The following ABCC4 variants were observed in gnomAD, a reference collection of about 807,000 sequenced individuals.
The protein encoded by ABCC4 is ATP binding cassette subfamily C member 4 (PEL blood group), also known as ATP-binding cassette sub-family C member 4.
In ABCC4, 102 loss-of-function variants were observed where a neutral mutation model predicts 168.5. That is an observed-to-expected ratio of 0.61 (90% confidence interval 0.52 to 0.71). The LOEUF is 0.71. ABCC4 is among the 30% of genes least tolerant of loss of function. ABCC4 has a pLI of 0.00. For missense variants in ABCC4, 1,402 were observed against 1,605.8 expected, an observed-to-expected ratio of 0.87 and a Z score of 2.17; for synonymous variants, 617 against 590.7, an observed-to-expected ratio of 1.04 and a Z score of -0.65.
In ABCC4 at chr13:95,166,330, A is replaced by G. The variant is rs549726345; in HGVS notation, c.1862T>C (p.Leu621Pro). ...MVQKGTYTEF[L>P]KSGIDFGSLL... ...GGAGCCAAAATCTATACCAGATTTT[A>G]GGAACTCAGTGTAAGTCCCCTTCTG... The change falls in exon 15 of 31, where the codon CTA becomes CCA. Residue 621 changes from leucine (L) to proline (P), a missense_variant. Leu to Pro is a moderately conservative substitution (Grantham distance 98). This residue lies in a region of ABCC4 where 1,007 missense variants were observed against 1,127.3 expected (regional missense o/e 0.89). Coordinates refer to ENST00000645237, the MANE Select transcript of ABCC4 (RefSeq NM_005845.5). 1 of 1,613,542 alleles carries G rather than the reference A, an allele frequency of 6.2e-7. No individual in the cohort carries two copies. Among genetic ancestry groups the G allele is most frequent in the Non-Finnish European group, 8.5e-7 (1 of 1,180,016 alleles).
chr13:95,164,398 G>A lies in ABCC4; in HGVS notation c.2155C>T (p.Leu719Phe), dbSNP rs770838504. The change falls in exon 16 of 31, where the codon CTC becomes TTC. Residue 719 changes from leucine to phenylalanine, a missense_variant. This residue lies in a region of ABCC4 where 1,007 missense variants were observed against 1,127.3 expected (regional missense o/e 0.89). Transcript: ENST00000645237. Reference sequence around the variant, plus strand: ...TTTACCTGAGCTGCAGTGTTTAGGAGAATAAGGAAAATGAAGACAATCCAG... The same window carrying A: ...TTTACCTGAGCTGCAGTGTTTAGGAAAATAAGGAAAATGAAGACAATCCAG... The part of the protein sequence containing the change: ...AHWIVFIFLI[L>F]LNTAAQVAYV... 5.9e-5 allele frequency: 96 copies of A among 1,614,008 alleles called. No individual in the cohort carries two copies. The highest frequency in any genetic ancestry group is 2.4e-4 in the South Asian group (22 of 91,088).
At chr13:95,079,844 A>T (rs1046160204) in intron 21 of ABCC4, among the ~76,000 whole-genome samples, 5 of 152,172 alleles carry the variant, frequency 3.3e-5, no homozygotes, top group Admixed American at 6.5e-5. Flanking sequence ...TCAAAAAAAC[A>T]AAAACAAGAA....
At chr13:95,290,117 T>TAGAC (rs1454932918) in intron 1 of ABCC4, among the ~76,000 whole-genome samples, 7 of 61,098 alleles carry the variant, frequency 1.1e-4, no homozygotes, top group Non-Finnish European at 4.1e-4. Flanking sequence ...GATAGATAGA[T>TAGAC]AGATAGATAG....
In ABCC4 at chr13:95,234,640, T is replaced by C; in HGVS notation, c.501A>G (p.Arg167=). 1 of 1,614,138 alleles carries C rather than the reference T, an allele frequency of 6.2e-7. No homozygotes were observed. The highest frequency in any genetic ancestry group is 8.5e-7 in the Non-Finnish European group (1 of 1,180,004). Residue 167 remains arginine (R), a synonymous_variant, in exon 4 of 31, where the codon CGA becomes CGG. Coordinates refer to ENST00000645237, the MANE Select transcript of ABCC4 (RefSeq NM_005845.5). ...GATAAATCATATGGCACATGGCTAC[T>C]CGTAACCTCATCCCAGCACACTGAA... The part of the protein sequence containing the change: ...YHVQCAGMRL[R]VAMCHMIYRK...
Position 95,117,221 on chromosome 13 carries a change from G to A in ABCC4, c.2456-1220C>T, listed in dbSNP as rs539163879. ...GCCTCTAATAACACCTCCTCTAGAGGGTTGTCCTAGGGATTAAACGGGCTC... is the reference window on the plus strand; with the variant it reads ...GCCTCTAATAACACCTCCTCTAGAGAGTTGTCCTAGGGATTAAACGGGCTC... On this transcript the variant is annotated intron_variant, in intron 19 of 30. Coordinates refer to ENST00000645237, the MANE Select transcript of ABCC4 (RefSeq NM_005845.5). Among the ~76,000 whole-genome samples the A allele has an allele frequency of 1.0e-3, 153 of 151,410 alleles. 1 individual carries two copies. The highest frequency in any genetic ancestry group is 1.8e-3 in the Non-Finnish European group (121 of 67,940).
intron 4 of ABCC4, among the ~76,000 whole-genome samples, chr13:95,227,344 T>A (rs1346093208): frequency 6.6e-6 from 1 of 152,214 alleles, no homozygotes; most frequent in African/African-American, 2.4e-5. Context: ...GAGATTAATG[T>A]CTCACAAAAT....
chr13:95,041,750 G>A (rs2032370381), intron 29 of ABCC4, among the ~76,000 whole-genome samples: 1 of 152,140 alleles, frequency 6.6e-6, no homozygotes, highest in South Asian at 2.1e-4. Flanking sequence ...TATTTATGGT[G>A]TTCCCCCGAA....
chr13:95,059,367 T>A (rs529139800), intron 26 of ABCC4, among the ~76,000 whole-genome samples: 2 of 152,302 alleles, frequency 1.3e-5, no homozygotes, highest in East Asian at 3.9e-4. Context: ...ATTCTGCAAA[T>A]GTTAGGAATT....
At chr13:95,200,580 G>A (rs1362976176) in intron 8 of ABCC4, among the ~76,000 whole-genome samples, 2 of 152,140 alleles carry the variant, frequency 1.3e-5, no homozygotes, top group Non-Finnish European at 2.9e-5. Context: ...AGTTAGCCGG[G>A]TGTGGTGGTG....
At chr13:95,064,534 G>GTGT (rs2033454961) in intron 25 of ABCC4, among the ~76,000 whole-genome samples, 2 of 145,540 alleles carry the variant, frequency 1.4e-5, no homozygotes, top group African/African-American at 5.0e-5. Flanking sequence ...TGTGTGTGTG[G>GTGT]GGCTTATGTG....
intron 19 of ABCC4, among the ~76,000 whole-genome samples, chr13:95,129,143 A>G (rs961475930): frequency 6.6e-5 from 10 of 152,224 alleles, no homozygotes; most frequent in African/African-American, 2.4e-4. Flanking sequence ...GATGCTGTTG[A>G]CGATTGCATT....
intron 29 of ABCC4, among the ~76,000 whole-genome samples, chr13:95,041,602 CTA>C (rs1299463391): frequency 6.6e-6 from 1 of 152,168 alleles, no homozygotes; most frequent in Non-Finnish European, 1.5e-5. Context: ...TCACTTGTCT[CTA>C]TGTTTTCACA....
intron 19 of ABCC4, among the ~76,000 whole-genome samples, chr13:95,148,591 AACACACACACACACACACACACACACAC>A (rs55998383): frequency 3.1e-5 from 4 of 129,708 alleles, no homozygotes; most frequent in African/African-American, 1.1e-4. Flanking sequence ...TACCCATCAC[AACACACACACACACACACACACACACAC>A]ACACACACAC....
chr13:95,119,785 T>C (rs1279685129), intron 19 of ABCC4, among the ~76,000 whole-genome samples: 1 of 152,212 alleles, frequency 6.6e-6, no homozygotes, highest in South Asian at 2.1e-4. Context: ...CATATTTGCA[T>C]TGATACATAT....
chr13:95,051,279 G>C (rs2032818321), intron 27 of ABCC4, among the ~76,000 whole-genome samples: 1 of 152,258 alleles, frequency 6.6e-6, no homozygotes, highest in Non-Finnish European at 1.5e-5. Flanking sequence ...AGGCCTCCAA[G>C]TCTACTTGCT....
rs550830309 is a variant in ABCC4, at chr13:95,251,107, G to A, written c.75-3354C>T. 6.6e-5 allele frequency among the ~76,000 whole-genome samples: 10 copies of A among 152,190 alleles called. No individual in the cohort carries two copies. In the South Asian group the frequency reaches 1.9e-3, roughly 29 times the overall value. ...TTGGCCAATAGTGGTTTCTTAATGTGGTATAAGAGGGAAAACACAGGTCCC... is the reference window on the plus strand; with the variant it reads ...TTGGCCAATAGTGGTTTCTTAATGTAGTATAAGAGGGAAAACACAGGTCCC... On this transcript the variant is annotated intron_variant, in intron 1 of 30. Transcript: ENST00000645237.
intron 8 of ABCC4, among the ~76,000 whole-genome samples, chr13:95,198,929 A>C (rs2038539691): frequency 6.6e-6 from 1 of 152,094 alleles, no homozygotes; most frequent in Non-Finnish European, 1.5e-5. Context: ...GGACACAGGA[A>C]GGGGAACATC....
intron 19 of ABCC4, among the ~76,000 whole-genome samples, chr13:95,151,605 AAGGAG>A: frequency 1.3e-5 from 1 of 79,464 alleles, no homozygotes; most frequent in Non-Finnish European, 2.4e-5. Flanking sequence ...GGAGGAGGAG[AAGGAG>A]AAGGAGAAGA....
At chr13:95,234,872 C>T (rs1455269570) in intron 3 of ABCC4, 38 bp from the exon 4 acceptor site, 1 of 1,336,226 alleles carries the variant, frequency 7.5e-7, no homozygotes, top group Non-Finnish European at 1.0e-6. Context: ...ATTAGACATA[C>T]AGACCACACC....
Sources: gnomAD v4.1 joint callset for allele counts (sites outside exome capture counted in the v4.1 genomes callset) on GRCh38, gnomAD v4.1.1 for gene constraint, gnomAD v4.1.1 regional missense constraint, MANE v1.5 for transcripts, NCBI Gene and HGNC (gene_info 2026-07-23, HGNC 2026-07-21) for gene names.